The following OR1J2 variants were observed in gnomAD, a reference collection of about 807,000 sequenced individuals.
OR1J2 encodes olfactory receptor family 1 subfamily J member 2.
For missense variants in OR1J2, 304 were observed against 246.1 expected (o/e 1.24, Z -1.57); for synonymous variants, 142 against 99.7 (o/e 1.42, Z -2.52).
At chr9:122,496,996 C>G in the OR1J2 span, among the ~76,000 whole-genome samples, 151 of 152,232 alleles carry the variant, frequency 9.9e-4, no homozygotes, top group African/African-American at 3.4e-3. Context: ...CCTGCTCCCA[C>G]GCAGCATGCA....
At chr9:122,516,546 G>A (rs572006677), downstream of OR1J2, among the ~76,000 whole-genome samples, 5 of 152,002 alleles carry the variant, frequency 3.3e-5, no homozygotes, top group Non-Finnish European at 5.9e-5. Context: ...CTCGTGATCC[G>A]CCCGCCTCGG....
At chr9:122,492,106 A>G in the OR1J2 span, among the ~76,000 whole-genome samples, 1 of 152,160 alleles carries the variant, frequency 6.6e-6, no homozygotes, top group African/African-American at 2.4e-5. Context: ...CCCATCACCC[A>G]GGTACTGAGC....
chr9:122,463,212 A>G, the OR1J2 span, among the ~76,000 whole-genome samples: 1 of 152,032 alleles, frequency 6.6e-6, no homozygotes, highest in African/African-American at 2.4e-5. Flanking sequence ...ATTTGATTGT[A>G]TTGCTGAGAA....
the OR1J2 span, among the ~76,000 whole-genome samples, chr9:122,459,758 T>A: frequency 6.6e-6 from 1 of 152,176 alleles, no homozygotes; most frequent in East Asian, 1.9e-4. Context: ...GAATATTTTC[T>A]TTAATGGTGA....
chr9:122,528,036 A>G, the OR1J2 span, among the ~76,000 whole-genome samples: 2 of 152,378 alleles, frequency 1.3e-5, no homozygotes, highest in Middle Eastern at 3.4e-3. Context: ...ACAGAATTCA[A>G]ACCCACAGCA....
At chr9:122,448,238 T>A in the OR1J2 span, among the ~76,000 whole-genome samples, 1 of 152,182 alleles carries the variant, frequency 6.6e-6, no homozygotes, top group Non-Finnish European at 1.5e-5. Context: ...GAAGGTACTA[T>A]GCGTGGATAT....
chr9:122,555,758 A>G, the OR1J2 span, among the ~76,000 whole-genome samples: 4 of 152,286 alleles, frequency 2.6e-5, no homozygotes, highest in African/African-American at 7.2e-5. Context: ...TTTTTGGTTT[A>G]TAGAAAAATT....
chr9:122,528,682 C>T, the OR1J2 span, among the ~76,000 whole-genome samples: 1 of 152,184 alleles, frequency 6.6e-6, no homozygotes, highest in Non-Finnish European at 1.5e-5. Context: ...ATTTAGGTAC[C>T]TGTATTTAAA....
At chr9:122,578,213 G>T in the OR1J2 span, 1 of 152,316 alleles carries the variant, frequency 6.6e-6, no homozygotes, top group East Asian at 1.9e-4. Context: ...CATTTTAGGA[G>T]GGTGAGGCAG....
the OR1J2 span, among the ~76,000 whole-genome samples, chr9:122,447,836 A>G: frequency 9.8e-5 from 15 of 152,326 alleles, no homozygotes; most frequent in Admixed American, 7.2e-4. Flanking sequence ...ACAAGATAAA[A>G]TAAATTAAAA....
the OR1J2 span, among the ~76,000 whole-genome samples, chr9:122,465,271 A>G: frequency 1.5e-4 from 23 of 152,288 alleles, no homozygotes; most frequent in African/African-American, 5.1e-4. Flanking sequence ...GCCAAGTAAA[A>G]CAAAAATCCG....
At chr9:122,560,996 C>A in the OR1J2 span, among the ~76,000 whole-genome samples, 1 of 152,142 alleles carries the variant, frequency 6.6e-6, no homozygotes, top group African/African-American at 2.4e-5. Context: ...TTTACATAGT[C>A]CCATATTTCT....
At chr9:122,536,608 C>T in the OR1J2 span, among the ~76,000 whole-genome samples, 4 of 152,158 alleles carry the variant, frequency 2.6e-5, no homozygotes, top group African/African-American at 4.8e-5. Context: ...CATTTGCATT[C>T]GAGAACTGAC....
the OR1J2 span, among the ~76,000 whole-genome samples, chr9:122,497,687 T>C: frequency 2.6e-5 from 4 of 152,318 alleles, no homozygotes; most frequent in East Asian, 7.7e-4. Context: ...TGATTTTGCT[T>C]ATTTGTTTTC....
the OR1J2 span, among the ~76,000 whole-genome samples, chr9:122,489,681 A>AT: frequency 6.6e-6 from 1 of 152,218 alleles, no homozygotes; most frequent in African/African-American, 2.4e-5. Context: ...GAATGCCTCA[A>AT]GGGGCTCACA....
chr9:122,486,706 G>C, the OR1J2 span, among the ~76,000 whole-genome samples: 4 of 152,184 alleles, frequency 2.6e-5, no homozygotes, highest in Non-Finnish European at 5.9e-5. Flanking sequence ...CAATTGGAAA[G>C]TAGGGTTTAC....
chr9:122,565,520 C>T, the OR1J2 span, among the ~76,000 whole-genome samples: 2 of 152,224 alleles, frequency 1.3e-5, no homozygotes, highest in African/African-American at 4.8e-5. Flanking sequence ...CTGGCCACTG[C>T]CACCTTTGAG....
At chr9:122,463,129 T>G in the OR1J2 span, among the ~76,000 whole-genome samples, 1 of 152,196 alleles carries the variant, frequency 6.6e-6, no homozygotes, top group African/African-American at 2.4e-5. Context: ...TTAAATTCTT[T>G]TTTCTTTGTC....
chr9:122,573,999 C>T, the OR1J2 span, among the ~76,000 whole-genome samples: 3 of 152,244 alleles, frequency 2.0e-5, no homozygotes, highest in Admixed American at 1.3e-4. Context: ...GTCTTTGCTC[C>T]GTTATATGTC....
Sources: allele counts gnomAD v4.1 joint callset (sites outside exome capture counted in the v4.1 genomes callset), GRCh38; gene constraint gnomAD v4.1.1; transcripts MANE v1.5; gene names NCBI Gene and HGNC (gene_info 2026-07-23, HGNC 2026-07-21).